NEB: variants seen among roughly 807,000 people sequenced by gnomAD.
The protein encoded by NEB is nebulin.
Under a neutral mutation model 952.2 loss-of-function variants are expected in NEB, and 512 were observed. That is an observed-to-expected ratio of 0.54 (90% CI 0.50 to 0.58). The LOEUF (loss-of-function observed/expected upper bound fraction) is 0.58. NEB is among the 20% of genes least tolerant of loss of function. The pLI is 0.00. For missense variants in NEB, 8,428 were observed against 9,231.1 expected, an observed-to-expected ratio of 0.91 and a Z score of 3.56; for synonymous variants, 2,900 against 3,149.8, an observed-to-expected ratio of 0.92 and a Z score of 2.66.
At position 151,553,519 on chromosome 2, in the gene NEB, G is replaced by T; in HGVS notation, c.19627-17C>A. The stretch of plus-strand genomic sequence containing the variant: ...GTATACAATCTAGAGGGTTTTGATA[G>T]AAAGGATCAGAAAAAAAAAATTGAC... On this transcript the variant is annotated splice_polypyrimidine_tract_variant and intron_variant, in intron 126 of 181. Coordinates refer to ENST00000397345, the MANE Select transcript of NEB (RefSeq NM_001164508.2). The T allele has an allele frequency of 6.5e-7, 1 of 1,528,040 alleles. No individual in the cohort carries two copies. The highest frequency in any genetic ancestry group is 9.0e-7 in the Non-Finnish European group (1 of 1,112,308). 94.7% of individuals were successfully genotyped at this position (1,528,040 alleles called of 1,614,324 possible).
intron 169 of NEB, among the ~76,000 whole-genome samples, chr2:151,498,734 A>G (rs1575088436): frequency 6.6e-6 from 1 of 152,138 alleles, no homozygotes; most frequent in Non-Finnish European, 1.5e-5. Flanking sequence ...TCACATAGGG[A>G]TATTTGGGTT....
At chr2:151,551,597 T>C in intron 129 of NEB, 141 bp downstream of exon 129, 1 of 661,938 alleles carries the variant, frequency 1.5e-6, no homozygotes, top group Non-Finnish European at 2.6e-6. Context: ...TAGATTATGC[T>C]CTGTGTTTTT....
chr2:151,612,339 G>A lies in NEB; in HGVS notation c.11652C>T (p.Pro3884=), dbSNP rs747207078. ...CTTTCTCGACCTCTACAGAGCCAATGGGAACCCATCCTATGCCTCTCAGCC... is the reference window on the plus strand; with the variant it reads ...CTTTCTCGACCTCTACAGAGCCAATAGGAACCCATCCTATGCCTCTCAGCC... The part of the protein sequence containing the change: ...LEWLRGIGWV[P]IGSVEVEKVK... Residue 3884 remains proline (P), a synonymous_variant, in exon 78 of 182, where the codon CCC becomes CCT. Transcript: ENST00000397345. 2.5e-6 allele frequency: 4 copies of A among 1,613,816 alleles called. No individual in the cohort carries two copies. Among genetic ancestry groups the A allele is most frequent in the South Asian group, 1.1e-5 (1 of 91,072 alleles).
chr2:151,529,487 A>G (rs529166120), intron 145 of NEB, among the ~76,000 whole-genome samples, 173 bp from the exon 146 acceptor site: 1 of 152,076 alleles, frequency 6.6e-6, no homozygotes, highest in South Asian at 2.1e-4. Context: ...GCACCTTCCT[A>G]TCTCAGATCA....
chr2:151,678,008 A>G lies in NEB; in HGVS notation c.3435T>C (p.Asn1145=), dbSNP rs376524766. 1.7e-5 allele frequency: 27 copies of G among 1,613,860 alleles called. No homozygotes were observed. Among genetic ancestry groups the G allele is most frequent in the Non-Finnish European group, 2.2e-5 (26 of 1,179,898 alleles). The change falls in exon 33 of 182, where the codon AAT becomes AAC. Residue 1145 remains asparagine, a synonymous_variant. Coordinates refer to ENST00000397345, the MANE Select transcript of NEB (RefSeq NM_001164508.2). ...SKYNTPHDMF[N]VVAAKKAQDV... Reference sequence around the variant, plus strand: ...CCTGGGCTTTCTTAGCCGCCACGACATTGAACATATCATGGGGCGTGTTGT... The same window carrying G: ...CCTGGGCTTTCTTAGCCGCCACGACGTTGAACATATCATGGGGCGTGTTGT...
chr2:151,663,894 G>A (rs769075738), intron 44 of NEB, 35 bp from the exon 45 acceptor site: 5 of 1,576,708 alleles, frequency 3.2e-6, no homozygotes, highest in African/African-American at 2.7e-5. Context: ...TGATGAAAAT[G>A]GTAAAAGAGA....
At chr2:151,674,421 T>A (rs550889123) in intron 36 of NEB, 56 bp downstream of exon 36, 385 of 1,288,690 alleles carry the variant, frequency 3.0e-4, no homozygotes, top group Non-Finnish European at 3.8e-4. Context: ...TAAACAAGCA[T>A]TTGATTACTT....
intron 13 of NEB, among the ~76,000 whole-genome samples, chr2:151,705,721 G>T (rs1449535174): frequency 6.6e-6 from 1 of 152,154 alleles, no homozygotes; most frequent in African/African-American, 2.4e-5. Flanking sequence ...TATATATACA[G>T]CATGGAATGC....
intron 137 of NEB, 79 bp from the exon 138 acceptor site, chr2:151,540,527 G>A: frequency 8.3e-7 from 1 of 1,197,614 alleles, no homozygotes; most frequent in Admixed American, 2.0e-5. Context: ...AGGTCTTGTG[G>A]AGGGGCACAA....
At position 151,640,077 on chromosome 2, in the gene NEB, C is replaced by G; in HGVS notation, c.8686-17G>C. The G allele has an allele frequency of 6.3e-7, 1 of 1,599,486 alleles. No homozygotes were observed. Among genetic ancestry groups the G allele is most frequent in the East Asian group, 2.2e-5 (1 of 44,798 alleles). On this transcript the variant is annotated splice_polypyrimidine_tract_variant and intron_variant, in intron 61 of 181. Transcript: ENST00000397345. ...GTACATATTCTGTTGACACAAATAG[C>G]CAATAAATATTTATCTCTGTATCAG...
chr2:151,537,292 G>T, intron 140 of NEB, 56 bp from the exon 141 acceptor site: 1 of 1,006,892 alleles, frequency 9.9e-7, no homozygotes, highest in African/African-American at 1.6e-5. Flanking sequence ...ACAGCAATAA[G>T]TTAGTATCTA....
intron 56 of NEB, 95 bp downstream of exon 56, chr2:151,644,373 A>AC (rs2098927217): frequency 8.1e-7 from 1 of 1,231,704 alleles, no homozygotes; most frequent in Non-Finnish European, 1.2e-6. Flanking sequence ...GTAATTTGTT[A>AC]CCCCTTAGAT....
At chr2:151,724,733 T>A in intron 7 of NEB, 124 bp downstream of exon 7, 1 of 711,140 alleles carries the variant, frequency 1.4e-6, no homozygotes. Flanking sequence ...AATACAGGTA[T>A]TGAACTCACA....
chr2:151,717,666 G>A, intron 9 of NEB, 146 bp from the exon 10 acceptor site: 1 of 657,276 alleles, frequency 1.5e-6, no homozygotes, highest in African/African-American at 1.8e-5. Flanking sequence ...TTTCTATTTT[G>A]CTGAATTTTC....
intron 72 of NEB, among the ~76,000 whole-genome samples, chr2:151,620,684 C>G (rs1410778453): frequency 6.6e-6 from 1 of 152,000 alleles, no homozygotes; most frequent in Non-Finnish European, 1.5e-5. Context: ...TTAATCGAGG[C>G]ACTCACTCCT....
Position 151,695,628 on chromosome 2 carries a change from CA to C in NEB, c.1623del (p.Asp542IlefsTer15), listed in dbSNP as rs772366030. 7.4e-6 allele frequency: 12 copies of C among 1,613,886 alleles called. No homozygotes were observed. The highest frequency in any genetic ancestry group is 4.5e-5 in the East Asian group (2 of 44,872). On this transcript the variant is annotated frameshift_variant, in exon 18 of 182. Coordinates refer to ENST00000397345, the MANE Select transcript of NEB (RefSeq NM_001164508.2). LOFTEE classifies it high-confidence loss of function. The part of the protein sequence containing the change: ...ESEKFKCHIP[P>X]DTPAFIQHKV... ...TTGTGCTGGATAAAAGCAGGAGTAT[CA>C]GGGGGGATATGGCACTTGAACTTTT...
At chr2:151,691,728 C>A (rs2099552741) in intron 23 of NEB, 136 bp downstream of exon 23, 1 of 723,652 alleles carries the variant, frequency 1.4e-6, no homozygotes, top group South Asian at 1.8e-5. Context: ...CCCGGTTCCA[C>A]CCCAAAACCA....
intron 173 of NEB, chr2:151,495,233 A>ATTCT (rs1007303124): frequency 2.6e-5 from 4 of 152,200 alleles, no homozygotes; most frequent in African/African-American, 9.7e-5. Flanking sequence ...CCTCAGTGTC[A>ATTCT]TTCTTGGAAA....
chr2:151,685,024 C>A, intron 27 of NEB, 49 bp from the exon 28 acceptor site: 1 of 1,463,052 alleles, frequency 6.8e-7, no homozygotes, highest in Non-Finnish European at 9.4e-7. Flanking sequence ...CGATGGATTT[C>A]CAGAAAAGAC....
Sources: allele counts gnomAD v4.1 joint callset (sites outside exome capture counted in the v4.1 genomes callset), GRCh38; gene constraint gnomAD v4.1.1; transcripts MANE v1.5; gene names NCBI Gene and HGNC (gene_info 2026-07-23, HGNC 2026-07-21).